TBL1X: variants seen among roughly 807,000 people sequenced by gnomAD.
TBL1X encodes the protein transducin beta like 1 X-linked.
A neutral mutation model predicts 50.7 loss-of-function variants in TBL1X; 10 were observed. The observed-to-expected ratio is 0.20, with a 90% CI of 0.12 to 0.33. TBL1X has a LOEUF of 0.33. Among genes scored for constraint, TBL1X ranks in the 10% least tolerant of loss-of-function variants. TBL1X has a pLI of 1.00. For synonymous variants in TBL1X, 190 were observed against 214.7 expected (o/e 0.88, Z 1.01); for missense variants, 340 against 504.4 (o/e 0.67, Z 3.12).
At chrX:9,567,641 CCTT>C (rs1343481878) in intron 2 of TBL1X, among the ~76,000 whole-genome samples, 1 of 112,046 alleles carries the variant, frequency 8.9e-6, no homozygotes, top group Non-Finnish European at 1.9e-5. Flanking sequence ...CCAGGTGGCC[CCTT>C]CTTCCCTCGG....
In TBL1X at chrX:9,497,007, T is replaced by C. The variant is rs181790336; in HGVS notation, c.-200-4773T>C. 3.1e-3 allele frequency among the ~76,000 whole-genome samples: 351 copies of C among 112,169 alleles called. 2 individuals are homozygous for C. Among genetic ancestry groups the C allele is most frequent in the African/African-American group, 0.011 (337 of 30,843 alleles). On this transcript the variant is annotated intron_variant, in intron 1 of 17. Transcript: ENST00000645353. Reference sequence around the variant, plus strand: ...GTTTCAAGGACAGATGACACACTTATGATTATAGCATCTGAAGTGATGGGA... The same window carrying C: ...GTTTCAAGGACAGATGACACACTTACGATTATAGCATCTGAAGTGATGGGA...
intron 2 of TBL1X, among the ~76,000 whole-genome samples, chrX:9,526,565 C>T (rs1331549498): frequency 9.0e-6 from 1 of 110,874 alleles, no homozygotes; most frequent in Non-Finnish European, 1.9e-5. Flanking sequence ...TGTGGTTTTT[C>T]TTCTGCAGCA....
At position 9,654,314 on chromosome X, in the gene TBL1X, A is replaced by G; in HGVS notation, c.203A>G (p.Gln68Arg). ...EVNFLVYRYL[Q>R]ESGFSHSAFT... ...AACTTTCTGGTGTATCGGTATCTCC[A>G]GGAGTCAGGTAAGAGGCTTGGTTTT... The change falls in exon 5 of 18, where the codon CAG becomes CGG. Residue 68 changes from glutamine (Q) to arginine (R), a missense_variant. By Grantham distance (43) the Gln-to-Arg change is conservative. Coordinates refer to ENST00000645353, the MANE Select transcript of TBL1X (RefSeq NM_005647.4). 1.7e-6 allele frequency: 2 copies of G among 1,210,635 alleles called. No individual in the cohort carries two copies. The highest frequency in any genetic ancestry group is 3.5e-5 in the South Asian group (2 of 56,900).
chrX:9,577,712 C>T (rs749281352), intron 2 of TBL1X, among the ~76,000 whole-genome samples: 2 of 112,001 alleles, frequency 1.8e-5, no homozygotes, highest in South Asian at 3.7e-4. Flanking sequence ...TCCTAAGATA[C>T]GATGTGGACA....
chrX:9,692,788 G>A (rs907938250), intron 9 of TBL1X, among the ~76,000 whole-genome samples: 4 of 112,506 alleles, frequency 3.6e-5, no homozygotes, highest in Admixed American at 1.9e-4. Flanking sequence ...ATCTTTGCAC[G>A]TGAGCATGCC....
Position 9,697,810 on chromosome X carries a change from A to G in TBL1X, c.1114+381A>G, listed in dbSNP as rs138137596. Among the ~76,000 whole-genome samples the G allele has an allele frequency of 2.7e-3, 307 of 111,975 alleles. 1 individual carries two copies. The highest frequency in any genetic ancestry group is 8.2e-3 in the African/African-American group (253 of 30,820). On this transcript the variant is annotated intron_variant, in intron 12 of 17. Transcript: ENST00000645353. ...ATAATAATCCAAAATTAGGCTGGGC[A>G]CTGTGGCTGATGCCTGTAATTCCAG... is the stretch of plus-strand genomic sequence containing the variant.
At chrX:9,523,986 T>TA (rs1555963936) in intron 2 of TBL1X, among the ~76,000 whole-genome samples, 11 of 70,379 alleles carry the variant, frequency 1.6e-4, no homozygotes, top group African/African-American at 3.2e-4. Flanking sequence ...TTTTTTTTTT[T>TA]AGACAGAGTC....
chrX:9,690,017 C>T (rs922685590), intron 7 of TBL1X, among the ~76,000 whole-genome samples: 1 of 112,384 alleles, frequency 8.9e-6, no homozygotes, highest in African/African-American at 3.2e-5. Context: ...CTGGGTTTTC[C>T]ACCAGAGCAC....
intron 2 of TBL1X, among the ~76,000 whole-genome samples, chrX:9,629,116 T>G (rs188694167): frequency 6.2e-5 from 7 of 112,582 alleles, no homozygotes; most frequent in Admixed American, 5.6e-4. Context: ...ATGATATTAG[T>G]AGGTTATCTG....
intron 2 of TBL1X, among the ~76,000 whole-genome samples, chrX:9,598,553 C>G (rs1191062633): frequency 8.9e-6 from 1 of 111,835 alleles, no homozygotes; most frequent in Non-Finnish European, 1.9e-5. Context: ...CCAAGACTGG[C>G]CAGATCTGGA....
rs976767882 is a variant in TBL1X, at chrX:9,719,495, C to T, written c.*3249C>T. On this transcript the variant is annotated 3_prime_UTR_variant, in exon 18 of 18. Transcript: ENST00000645353. ...CCGCCACTCACTGAAGTTTTGCATT[C>T]TGGCTTGTGCAGTTTTTATTGTCTG... is the stretch of plus-strand genomic sequence containing the variant. 1 of 111,823 alleles carries T rather than the reference C, an allele frequency of 8.9e-6. No individual in the cohort carries two copies. Among genetic ancestry groups the T allele is most frequent in the Non-Finnish European group, 1.9e-5 (1 of 53,126 alleles). 9.2% of individuals were successfully genotyped at this position (111,823 alleles called of 1,213,427 possible).
At chrX:9,653,739 T>C in intron 4 of TBL1X, 50 bp downstream of exon 4, 9 of 1,085,323 alleles carry the variant, frequency 8.3e-6, no homozygotes, top group Non-Finnish European at 1.1e-5. Context: ...TCTTTGGGGG[T>C]GTTGACATGG....
At chrX:9,512,308 C>T (rs1037826548) in intron 2 of TBL1X, among the ~76,000 whole-genome samples, 7 of 111,179 alleles carry the variant, frequency 6.3e-5, no homozygotes, top group African/African-American at 2.0e-4. Context: ...GTTTGAAATG[C>T]CCACCAGCTG....
intron 2 of TBL1X, among the ~76,000 whole-genome samples, chrX:9,534,257 A>G (rs921887687): frequency 9.0e-6 from 1 of 111,424 alleles, no homozygotes; most frequent in African/African-American, 3.3e-5. Flanking sequence ...GAGTATAAAT[A>G]ATGTCTTCAG....
intron 2 of TBL1X, among the ~76,000 whole-genome samples, chrX:9,576,419 A>G (rs1240163184): frequency 8.0e-5 from 9 of 112,566 alleles, no homozygotes. Context: ...GTGATGCGCT[A>G]ACGCATATCA....
At chrX:9,661,853 C>A (rs770179720) in intron 5 of TBL1X, among the ~76,000 whole-genome samples, 2 of 111,395 alleles carry the variant, frequency 1.8e-5, no homozygotes, top group East Asian at 5.7e-4. Flanking sequence ...TCTACAGAAA[C>A]ATAAGACTGA....
At chrX:9,636,236 A>G (rs2082745902) in intron 2 of TBL1X, 1 of 110,442 alleles carries the variant, frequency 9.1e-6, no homozygotes, top group South Asian at 3.9e-4. Context: ...TGGTGGTTGC[A>G]TAACATCTGA....
intron 5 of TBL1X, among the ~76,000 whole-genome samples, chrX:9,666,092 G>T (rs930455858): frequency 8.9e-6 from 1 of 111,751 alleles, no homozygotes; most frequent in Non-Finnish European, 1.9e-5. Context: ...GTGGAATGCA[G>T]GGTAAAAGCA....
intron 2 of TBL1X, among the ~76,000 whole-genome samples, chrX:9,621,976 A>G (rs2082669146): frequency 8.9e-6 from 1 of 112,000 alleles, no homozygotes; most frequent in African/African-American, 3.2e-5. Flanking sequence ...AGTCCTGTAC[A>G]TTTTTAATTT....
Sources: allele counts gnomAD v4.1 joint callset (sites outside exome capture counted in the v4.1 genomes callset), GRCh38; gene constraint gnomAD v4.1.1; transcripts MANE v1.5; gene names NCBI Gene and HGNC (gene_info 2026-07-23, HGNC 2026-07-21).